Variants in LRMDA observed in about 807,000 individuals in gnomAD.
The protein encoded by LRMDA is leucine-rich melanocyte differentiation-associated protein.
LRMDA carries 18 observed loss-of-function variants against 29.8 expected under a neutral mutation model. The ratio of observed to expected loss-of-function variants is 0.60; its 90% CI spans 0.42 to 0.90. LRMDA has a LOEUF of 0.90. Among genes scored for constraint, LRMDA ranks in the 40% least tolerant of loss-of-function variants. The probability of loss-of-function intolerance (pLI) is 0.00; values close to 1 mark genes in which losing one functional copy is unlikely to be tolerated. For synonymous variants in LRMDA, 125 were observed against 109.4 expected (o/e 1.14, Z -0.89); for missense variants, 273 against 273.9 (o/e 1.00, Z 0.02).
Position 76,324,419 on chromosome 10 carries a change from G to A in LRMDA, c.535G>A (p.Ala179Thr). Residue 179 changes from alanine (A) to threonine (T), a missense_variant, in exon 6 of 7, where the codon GCC becomes ACC. Transcript: ENST00000611255. ...CACACAGGCTTCTAGTGAGGACGTT[G>A]CCAGCTCCCCGGAGCGCCACTACAC... The part of the protein sequence containing the change: ...VKPKASSEDV[A>T]SSPERHYTPL... The A allele has an allele frequency of 6.2e-7, 1 of 1,614,096 alleles. No homozygotes were observed. The highest frequency in any genetic ancestry group is 8.5e-7 in the Non-Finnish European group (1 of 1,180,024).
intron 5 of LRMDA, among the ~76,000 whole-genome samples, chr10:76,156,410 G>C (rs1324638945): frequency 6.6e-6 from 1 of 152,096 alleles, no homozygotes; most frequent in Non-Finnish European, 1.5e-5. Flanking sequence ...CAAAGATCTT[G>C]ATTCTTCCAT....
At chr10:75,939,562 C>T (rs1024404775) in intron 2 of LRMDA, among the ~76,000 whole-genome samples, 4 of 152,046 alleles carry the variant, frequency 2.6e-5, no homozygotes, top group Admixed American at 6.6e-5. Flanking sequence ...GGGAATCTTC[C>T]CTGAGTTCTC....
chr10:76,451,452 G>A (rs1408684366), intron 6 of LRMDA, among the ~76,000 whole-genome samples: 3 of 151,868 alleles, frequency 2.0e-5, no homozygotes, highest in Non-Finnish European at 4.4e-5. Flanking sequence ...TGATCCGCCC[G>A]CCTCGGCCTC....
intron 2 of LRMDA, among the ~76,000 whole-genome samples, chr10:75,489,371 T>C (rs1021197496): frequency 5.9e-5 from 9 of 152,232 alleles, no homozygotes; most frequent in African/African-American, 2.2e-4. Flanking sequence ...AATGTTCATC[T>C]CATTATTTCA....
intron 5 of LRMDA, among the ~76,000 whole-genome samples, chr10:76,112,551 G>T (rs1460797199): frequency 1.3e-5 from 2 of 152,236 alleles, no homozygotes; most frequent in Non-Finnish European, 2.9e-5. Context: ...AAGCCCGTCA[G>T]GGGGAAGGTC....
chr10:76,452,613 TG>T (rs1483751138), intron 6 of LRMDA, among the ~76,000 whole-genome samples: 1 of 152,160 alleles, frequency 6.6e-6, no homozygotes, highest in East Asian at 1.9e-4. Context: ...TGACGTATAG[TG>T]GGCTAGCAAG....
At chr10:76,366,234 G>C (rs1841390873) in intron 6 of LRMDA, among the ~76,000 whole-genome samples, 1 of 151,980 alleles carries the variant, frequency 6.6e-6, no homozygotes, top group South Asian at 2.1e-4. Context: ...ACTCTTTTTT[G>C]GTTCCATAAG....
At chr10:76,286,354 C>T (rs141220239) in intron 5 of LRMDA, among the ~76,000 whole-genome samples, 1 of 152,302 alleles carries the variant, frequency 6.6e-6, no homozygotes, top group African/African-American at 2.4e-5. Context: ...CCCTGCCTGT[C>T]CATTAACCAA....
chr10:76,353,776 AC>A lies in LRMDA; in HGVS notation c.601+29292del, dbSNP rs1841207212. Among the ~76,000 whole-genome samples, 5 of 152,206 alleles carry A rather than the reference AC, an allele frequency of 3.3e-5. No homozygotes were observed. In the South Asian group the frequency reaches 1.0e-3, roughly 32 times the overall value. On this transcript the variant is annotated intron_variant, in intron 6 of 6. Coordinates refer to ENST00000611255, the MANE Select transcript of LRMDA (RefSeq NM_001305581.2). ...TGCTGGCCATTTGTGTTTTCCTCCA[AC>A]TAGGCTGATTTATGGACCTGGAGAT...
rs939311068 is a variant in LRMDA, at chr10:75,761,784, G to A, written c.132-274224G>A. On this transcript the variant is annotated intron_variant, in intron 2 of 6. Transcript: ENST00000611255. ...AAGATACAAATTCCCTGAGATTTTG[G>A]TATACTTTTGTTTTTTTTTTTTTGT... Among the ~76,000 whole-genome samples, 14 of 150,164 alleles carry A rather than the reference G, an allele frequency of 9.3e-5. No individual in the cohort carries two copies. The East Asian group carries it at 2.7e-3, about 29-fold the overall frequency.
intron 2 of LRMDA, among the ~76,000 whole-genome samples, chr10:75,878,378 G>A (rs929183845): frequency 2.0e-5 from 3 of 151,928 alleles, no homozygotes; most frequent in African/African-American, 7.3e-5. Context: ...GCCAGAAGGG[G>A]GGCATGGAGT....
intron 2 of LRMDA, among the ~76,000 whole-genome samples, chr10:76,034,568 C>T (rs1848208912): frequency 6.6e-6 from 1 of 152,156 alleles, no homozygotes; most frequent in Non-Finnish European, 1.5e-5. Context: ...GATTTAATTA[C>T]TTACAACACA....
intron 2 of LRMDA, among the ~76,000 whole-genome samples, chr10:76,005,927 T>TTAAATAAATAAATAAA (rs10590818): frequency 1.9e-3 from 281 of 148,526 alleles, no homozygotes; most frequent in East Asian, 0.01. Context: ...AGACTCCATC[T>TTAAATAAATAAATAAA]TAAATAAATA....
intron 2 of LRMDA, chr10:75,450,846 C>T (rs1425957684): frequency 6.6e-6 from 1 of 152,230 alleles, no homozygotes; most frequent in Non-Finnish European, 1.5e-5. Flanking sequence ...GCTCAGTGCC[C>T]TGCTGTGGCT....
intron 6 of LRMDA, among the ~76,000 whole-genome samples, chr10:76,475,813 G>A (rs1454184436): frequency 2.0e-5 from 3 of 152,012 alleles, no homozygotes; most frequent in Admixed American, 1.3e-4. Flanking sequence ...GGTACATAAC[G>A]AAATGAAGGC....
At chr10:76,336,306 A>G (rs1203608217) in intron 6 of LRMDA, among the ~76,000 whole-genome samples, 2 of 152,228 alleles carry the variant, frequency 1.3e-5, no homozygotes, top group African/African-American at 4.8e-5. Context: ...GACTTGTGCA[A>G]GCACAGGGAG....
At chr10:76,418,918 A>G (rs184343463) in intron 6 of LRMDA, among the ~76,000 whole-genome samples, 44 of 152,158 alleles carry the variant, frequency 2.9e-4, no homozygotes, top group African/African-American at 1.0e-3. Context: ...ATTTTTTAAA[A>G]TAGACTTTAT....
chr10:76,107,331 A>G (rs1358356397), intron 5 of LRMDA, among the ~76,000 whole-genome samples: 2 of 152,178 alleles, frequency 1.3e-5, no homozygotes, highest in East Asian at 1.9e-4. Context: ...CATTTCTCAC[A>G]AGTTCCCAGG....
intron 6 of LRMDA, among the ~76,000 whole-genome samples, chr10:76,467,139 G>A (rs1842572323): frequency 6.6e-6 from 1 of 152,128 alleles, no homozygotes; most frequent in Non-Finnish European, 1.5e-5. Flanking sequence ...AAAAGTATGA[G>A]GATTTTTCAG....
Sources: allele counts gnomAD v4.1 joint callset (sites outside exome capture counted in the v4.1 genomes callset), GRCh38; gene constraint gnomAD v4.1.1; transcripts MANE v1.5; gene names NCBI Gene and HGNC (gene_info 2026-07-23, HGNC 2026-07-21).